RAB27A: variants seen among roughly 807,000 people sequenced by gnomAD.
RAB27A encodes the protein RAB27A, member RAS oncogene family, also known as ras-related protein Rab-27A.
Under a neutral mutation model 20.8 loss-of-function variants are expected in RAB27A, and 17 were observed. That is an observed-to-expected ratio of 0.82 (90% CI 0.56 to 1.23). The LOEUF (loss-of-function observed/expected upper bound fraction) is 1.23, where lower values mean the gene tolerates loss of function less well. Ranked by LOEUF, RAB27A falls within the 50% of genes most tolerant of loss-of-function variation. RAB27A has a pLI of 0.00. For synonymous variants in RAB27A, 85 were observed against 92.8 expected, an observed-to-expected ratio of 0.92 and a Z score of 0.48; for missense variants, 277 against 266.7, an observed-to-expected ratio of 1.04 and a Z score of -0.27.
At chr15:55,302,420 A>C (rs1008578921) in intron 2 of RAB27A, among the ~76,000 whole-genome samples, 5 of 152,034 alleles carry the variant, frequency 3.3e-5, no homozygotes, top group East Asian at 2.0e-4. Context: ...ATCTCGGCTC[A>C]CTACAACCTA....
intron 6 of RAB27A, among the ~76,000 whole-genome samples, chr15:55,207,334 A>G (rs1043921792): frequency 3.9e-5 from 6 of 152,206 alleles, no homozygotes; most frequent in Non-Finnish European, 7.3e-5. Flanking sequence ...ATGGGCAGGA[A>G]GTGAGTTACA....
At chr15:55,303,711 G>T (rs2054985058) in intron 2 of RAB27A, among the ~76,000 whole-genome samples, 1 of 135,002 alleles carries the variant, frequency 7.4e-6, no homozygotes, top group Non-Finnish European at 1.6e-5. Context: ...GAGGTGAGGG[G>T]CACCTCTGCC....
intron 1 of RAB27A, among the ~76,000 whole-genome samples, chr15:55,273,610 C>A (rs1897770676): frequency 2.6e-5 from 4 of 151,896 alleles, no homozygotes; most frequent in Admixed American, 2.6e-4. Flanking sequence ...ATACTTATAT[C>A]AGAATAGACT....
intron 2 of RAB27A, among the ~76,000 whole-genome samples, chr15:55,240,993 A>G (rs1011570394): frequency 4.6e-5 from 7 of 152,222 alleles, no homozygotes; most frequent in African/African-American, 1.4e-4. Context: ...GGACTGAGCT[A>G]GTGTATACAC....
intron 2 of RAB27A, chr15:55,313,987 TA>T: frequency 6.8e-6 from 1 of 147,362 alleles, no homozygotes; most frequent in Non-Finnish European, 1.4e-5. Flanking sequence ...AATAAATAAA[TA>T]AATAAATAAA....
chr15:55,310,791 G>C (rs2055016940), intron 2 of RAB27A, among the ~76,000 whole-genome samples: 1 of 152,126 alleles, frequency 6.6e-6, no homozygotes, highest in South Asian at 2.1e-4. Flanking sequence ...TCTAATGTCT[G>C]CAGCTGACTG....
At chr15:55,262,491 G>A (rs1208434776) in intron 2 of RAB27A, among the ~76,000 whole-genome samples, 9 of 149,514 alleles carry the variant, frequency 6.0e-5, no homozygotes, top group African/African-American at 9.9e-5. Flanking sequence ...GCAGTGAGCC[G>A]AGATCACGCC....
intron 2 of RAB27A, chr15:55,260,088 A>G (rs1055200140): frequency 1.3e-5 from 2 of 152,024 alleles, no homozygotes; most frequent in Non-Finnish European, 2.9e-5. Flanking sequence ...AAGTACATGC[A>G]TATTTCTCCA....
At chr15:55,238,072 AC>A (rs1437521076) in intron 2 of RAB27A, 2 of 152,172 alleles carry the variant, frequency 1.3e-5, no homozygotes, top group Non-Finnish European at 2.9e-5. Context: ...CAAACCAAAT[AC>A]CATAAATTGA....
rs192915778 is a variant in RAB27A, at chr15:55,271,787, C to T, written c.-142-1503G>A. ...TATCCCTTGCCTCTAGGAGAAGCTA[C>T]GCTTTCATTATGGCAGCTCAACGTG... On this transcript the variant is annotated intron_variant, in intron 1 of 6. Transcript: ENST00000336787. Among the ~76,000 whole-genome samples the T allele has an allele frequency of 8.6e-3, 1,310 of 151,768 alleles. 25 individuals carry two copies. Among genetic ancestry groups the T allele is most frequent in the African/African-American group, 0.03 (1,226 of 41,434 alleles).
chr15:55,290,055 C>CA (rs1012920145), upstream of RAB27A: 2 of 152,232 alleles, frequency 1.3e-5, no homozygotes, highest in African/African-American at 4.8e-5. Context: ...GAAGGCGCTA[C>CA]AAAATATAGG....
intron 2 of RAB27A, among the ~76,000 whole-genome samples, chr15:55,263,750 A>T (rs1897357841): frequency 6.7e-6 from 1 of 148,282 alleles, no homozygotes; most frequent in African/African-American, 2.5e-5. Context: ...GGACCCACTT[A>T]AAAAAACTTT....
chr15:55,220,017 T>C (rs1895490739), intron 6 of RAB27A, among the ~76,000 whole-genome samples: 1 of 152,214 alleles, frequency 6.6e-6, no homozygotes, highest in Non-Finnish European at 1.5e-5. Context: ...ACAAATTTTT[T>C]TTCTGATATT....
chr15:55,206,240 C>CAT (rs1430634554), intron 6 of RAB27A: 3 of 624,204 alleles, frequency 4.8e-6, no homozygotes, highest in African/African-American at 4.0e-5. Flanking sequence ...TTTAAAGGAC[C>CAT]ATATATATAT....
At chr15:55,256,207 G>T (rs1897073209) in intron 2 of RAB27A, among the ~76,000 whole-genome samples, 1 of 152,132 alleles carries the variant, frequency 6.6e-6, no homozygotes, top group South Asian at 2.1e-4. Flanking sequence ...TTGAGCCCAA[G>T]AGATCAAAAC....
chr15:55,220,271 GTTTGT>G (rs1325618970), intron 6 of RAB27A, among the ~76,000 whole-genome samples: 1 of 150,332 alleles, frequency 6.7e-6, no homozygotes, highest in African/African-American at 2.5e-5. Context: ...TTGTTTGTTT[GTTTGT>G]TTTGTTTTGA....
rs751121802 is a variant in RAB27A at position 55,205,653 on chromosome 15, T to C, written c.520A>G (p.Ile174Val). The change falls in exon 7 of 7, where the codon ATT becomes GTT. Residue 174 changes from isoleucine to valine, a missense_variant. By Grantham distance (29) the Ile-to-Val change is conservative. Transcript: ENST00000336787. ...AANGTNISQA[I>V]EMLLDLIMKR... ...ATTATCAGGTCCAGAAGCATCTCAATTGCTTGGCTTATGTTTGTCCCATTG... is the reference window on the plus strand; with the variant it reads ...ATTATCAGGTCCAGAAGCATCTCAACTGCTTGGCTTATGTTTGTCCCATTG... 21 of 1,614,020 alleles carry C rather than the reference T, an allele frequency of 1.3e-5. No homozygotes were observed. Among genetic ancestry groups the C allele is most frequent in the Middle Eastern group, 3.3e-4 (2 of 6,084 alleles).
exon 2 of RAB27A, chr15:55,314,059 G>T (rs554024745): frequency 1.3e-5 from 2 of 152,704 alleles, no homozygotes; most frequent in South Asian, 4.1e-4. Flanking sequence ...AGCTGCTCGG[G>T]AGGCTGAGGC....
At chr15:55,303,522 C>A (rs1239287756) in intron 2 of RAB27A, among the ~76,000 whole-genome samples, 4 of 50,828 alleles carry the variant, frequency 7.9e-5, no homozygotes, top group African/African-American at 2.8e-4. Flanking sequence ...AAGTGAGGAG[C>A]CCCTCTGCCC....
Sources: allele counts gnomAD v4.1 joint callset (sites outside exome capture counted in the v4.1 genomes callset), GRCh38; gene constraint gnomAD v4.1.1; transcripts MANE v1.5; gene names NCBI Gene and HGNC (gene_info 2026-07-23, HGNC 2026-07-21).